LYRM7: variants seen among roughly 807,000 people sequenced by gnomAD.
LYRM7 encodes LYR motif containing 7.
A neutral mutation model predicts 15.8 loss-of-function variants in LYRM7; 9 were observed. That is an observed-to-expected ratio of 0.57 (90% CI 0.34 to 0.99). LYRM7 has a LOEUF of 0.99. Among genes scored for constraint, LYRM7 ranks in the 50% least tolerant of loss-of-function variants. The pLI is 0.02. For synonymous variants in LYRM7, 39 were observed against 39.4 expected, an observed-to-expected ratio of 0.99 and a Z score of 0.04; for missense variants, 115 against 119.1, an observed-to-expected ratio of 0.97 and a Z score of 0.16.
intron 1 of LYRM7, among the ~76,000 whole-genome samples, chr5:131,177,548 A>G (rs114476926): frequency 6.6e-6 from 1 of 152,240 alleles, no homozygotes; most frequent in Non-Finnish European, 1.5e-5. Context: ...ATGTTATTCC[A>G]TTGTCTTCTT....
chr5:131,187,829 AT>A (rs1355168835), intron 4 of LYRM7, among the ~76,000 whole-genome samples: 1 of 152,146 alleles, frequency 6.6e-6, no homozygotes, highest in Non-Finnish European at 1.5e-5. Flanking sequence ...ATTATAGGAA[AT>A]GGAAATATAG....
intron 3 of LYRM7, among the ~76,000 whole-genome samples, chr5:131,184,647 G>GGT: frequency 6.9e-6 from 1 of 145,210 alleles, no homozygotes; most frequent in African/African-American, 2.8e-5. Flanking sequence ...TGGCGGGGGG[G>GGT]GGGTTCCAGG....
In LYRM7 at chr5:131,173,562, A is replaced by C. The variant is rs186706488; in HGVS notation, c.18+2524A>C. On this transcript the variant is annotated intron_variant, in intron 1 of 4. Coordinates refer to ENST00000379380, the MANE Select transcript of LYRM7 (RefSeq NM_181705.4). ...AGTTCGAGACCCATCTGGCCAACGC[A>C]GTGAAACCCCGTCTCTACTAAAAAT... 1.6e-4 allele frequency among the ~76,000 whole-genome samples: 24 copies of C among 152,256 alleles called. No homozygotes were observed. In the East Asian group the frequency reaches 2.7e-3, roughly 17 times the overall value.
At chr5:131,188,413 A>G (rs867889374) in intron 4 of LYRM7, among the ~76,000 whole-genome samples, 12,514 of 150,636 alleles carry the variant, frequency 0.083, 595 homozygotes, top group South Asian at 0.13. Context: ...CACATGTAAA[A>G]AAAAAAAAAA....
intron 2 of LYRM7, among the ~76,000 whole-genome samples, chr5:131,180,379 G>T (rs915136060): frequency 2.0e-5 from 3 of 150,698 alleles, no homozygotes; most frequent in African/African-American, 7.4e-5. Flanking sequence ...ATAAAGAGTT[G>T]GTCAAAAAAA....
chr5:131,194,619 A>T (rs894981497), intron 4 of LYRM7, among the ~76,000 whole-genome samples: 1 of 152,180 alleles, frequency 6.6e-6, no homozygotes, highest in Non-Finnish European at 1.5e-5. Flanking sequence ...CAAGTTCCTC[A>T]TGGAGAAGAG....
At chr5:131,184,540 T>A (rs1288010745) in intron 3 of LYRM7, among the ~76,000 whole-genome samples, 1 of 152,022 alleles carries the variant, frequency 6.6e-6, no homozygotes, top group African/African-American at 2.4e-5. Flanking sequence ...CATGAGGTAA[T>A]TTCTTTTTTT....
chr5:131,198,813 A>T (rs9327599), intron 4 of LYRM7, among the ~76,000 whole-genome samples: 2,854 of 150,806 alleles, frequency 0.019, 43 homozygotes, highest in Middle Eastern at 0.085. Flanking sequence ...TCAAATGATC[A>T]TCCCTCCTTA....
At chr5:131,197,962 T>C (rs1248686653) in intron 4 of LYRM7, among the ~76,000 whole-genome samples, 4 of 152,228 alleles carry the variant, frequency 2.6e-5, no homozygotes, top group African/African-American at 7.2e-5. Flanking sequence ...TTGAAGGGTA[T>C]GAGAATTTCC....
intron 3 of LYRM7, 104 bp from the exon 4 acceptor site, chr5:131,186,924 G>C: frequency 1.5e-6 from 1 of 673,328 alleles, no homozygotes; most frequent in Non-Finnish European, 2.6e-6. Context: ...AGAAACTACT[G>C]TATTACTTGA....
rs546620500 is a variant in LYRM7 at position 131,200,684 on chromosome 5, C to G, written c.*1083C>G. 1.3e-5 allele frequency: 2 copies of G among 152,144 alleles called. No individual in the cohort carries two copies. The highest frequency in any genetic ancestry group is 1.5e-5 in the Non-Finnish European group (1 of 68,016). 9.4% of individuals were successfully genotyped at this position (152,144 alleles called of 1,614,324 possible). On this transcript the variant is annotated 3_prime_UTR_variant, in exon 5 of 5. Transcript: ENST00000379380. ...ATTATACCTAGAGAAAAATGAAAGT[C>G]GTTTCAAATTTGAAATTTGCCCTTT...
intron 3 of LYRM7, among the ~76,000 whole-genome samples, chr5:131,183,880 A>T (rs1468957235): frequency 6.6e-6 from 1 of 152,242 alleles, no homozygotes; most frequent in African/African-American, 2.4e-5. Context: ...CAATTTTATT[A>T]TATGTTAAAA....
chr5:131,189,110 C>T (rs995924642), intron 4 of LYRM7, among the ~76,000 whole-genome samples: 5 of 151,386 alleles, frequency 3.3e-5, no homozygotes, highest in East Asian at 2.0e-4. Context: ...CATGCCACCA[C>T]ACTCCAGCCT....
intron 1 of LYRM7, among the ~76,000 whole-genome samples, chr5:131,177,246 C>A (rs574191295): frequency 2.0e-5 from 3 of 152,148 alleles, no homozygotes; most frequent in Non-Finnish European, 4.4e-5. Context: ...TTGCTATAGT[C>A]CTGCCTAGTT....
Position 131,203,227 on chromosome 5 carries a change from T to A in LYRM7, c.*3626T>A, listed in dbSNP as rs1260681088. The A allele has an allele frequency of 6.6e-6, 1 of 152,348 alleles. No homozygotes were observed. Among genetic ancestry groups the A allele is most frequent in the East Asian group, 1.9e-4 (1 of 5,338 alleles). The allele number at this position is 152,348 out of a possible 1,614,324, so 9.4% of individuals were successfully genotyped here. ...ATATAGTTTTACTGTATATCAGTTG[T>A]CACCAATCAGAAATGGAAAACAGAT... On this transcript the variant is annotated 3_prime_UTR_variant, in exon 5 of 5. Transcript: ENST00000379380.
intron 3 of LYRM7, among the ~76,000 whole-genome samples, chr5:131,186,567 T>G (rs2149663075): frequency 6.6e-6 from 1 of 152,332 alleles, no homozygotes; most frequent in African/African-American, 2.4e-5. Context: ...TATACTTTCC[T>G]ATGATAAAGT....
At chr5:131,176,862 C>T (rs1399748999) in intron 1 of LYRM7, among the ~76,000 whole-genome samples, 1 of 152,140 alleles carries the variant, frequency 6.6e-6, no homozygotes, top group Admixed American at 6.5e-5. Flanking sequence ...ATAATGGTCT[C>T]CAGCAGCTGC....
chr5:131,189,778 G>A (rs981928846), intron 4 of LYRM7, among the ~76,000 whole-genome samples: 2 of 152,026 alleles, frequency 1.3e-5, no homozygotes, highest in Admixed American at 1.3e-4. Context: ...CTTCCTACCT[G>A]GTAGTATAAG....
intron 4 of LYRM7, among the ~76,000 whole-genome samples, chr5:131,193,123 G>T (rs922223565): frequency 2.6e-5 from 4 of 152,102 alleles, no homozygotes; most frequent in African/African-American, 9.7e-5. Flanking sequence ...AAAACAAAAA[G>T]CTCCAAGAAG....
Sources: allele counts gnomAD v4.1 joint callset (sites outside exome capture counted in the v4.1 genomes callset), GRCh38; gene constraint gnomAD v4.1.1; transcripts MANE v1.5; gene names NCBI Gene and HGNC (gene_info 2026-07-23, HGNC 2026-07-21).